Variants in TRAPPC9 observed in about 807,000 individuals in gnomAD.
TRAPPC9 encodes the protein trafficking protein particle complex subunit 9.
TRAPPC9 carries 83 observed loss-of-function variants against 124.0 expected under a neutral mutation model. The ratio of observed to expected loss-of-function variants is 0.67; its 90% CI spans 0.56 to 0.80. The LOEUF is 0.80. Ranked by LOEUF, TRAPPC9 falls within the 30% of genes least tolerant of loss-of-function variation. The pLI, the probability that TRAPPC9 is intolerant of heterozygous loss-of-function variation, is 0.00. For synonymous variants in TRAPPC9, 638 were observed against 617.5 expected (o/e 1.03, Z -0.49); for missense variants, 1,302 against 1,508.3 (o/e 0.86, Z 2.27).
At chr8:139,807,589 A>C (rs1016677588) in intron 21 of TRAPPC9, among the ~76,000 whole-genome samples, 3 of 152,128 alleles carry the variant, frequency 2.0e-5, no homozygotes, top group African/African-American at 7.2e-5. Context: ...CCTCAACACA[A>C]CCACCGGCGG....
At chr8:140,064,608 A>G (rs1842809472) in intron 17 of TRAPPC9, among the ~76,000 whole-genome samples, 1 of 152,244 alleles carries the variant, frequency 6.6e-6, no homozygotes, top group African/African-American at 2.4e-5. Context: ...ATTGACATGC[A>G]TATTCCAGAG....
chr8:140,114,332 GAAAAAA>G (rs59499088), intron 17 of TRAPPC9, among the ~76,000 whole-genome samples: 2,611 of 117,054 alleles, frequency 0.022, 87 homozygotes, highest in African/African-American at 0.079. Context: ...AAGGACTGAA[GAAAAAA>G]AAAAAAAAAA....
chr8:140,039,169 C>T (rs1381041736), intron 17 of TRAPPC9, among the ~76,000 whole-genome samples: 1 of 152,244 alleles, frequency 6.6e-6, no homozygotes, highest in Non-Finnish European at 1.5e-5. Context: ...GAAGCACCAT[C>T]AAATCCACTT....
chr8:140,413,392 A>T (rs986169626), intron 5 of TRAPPC9, among the ~76,000 whole-genome samples: 3 of 152,224 alleles, frequency 2.0e-5, no homozygotes, highest in African/African-American at 2.4e-5. Flanking sequence ...GTCTCAAAAA[A>T]AATAATAATA....
intron 17 of TRAPPC9, among the ~76,000 whole-genome samples, chr8:140,175,304 A>G (rs952513360): frequency 4.0e-5 from 6 of 151,798 alleles, no homozygotes; most frequent in African/African-American, 1.5e-4. Flanking sequence ...AGTGTCAGCA[A>G]GAGATGTATT....
chr8:139,767,304 C>T (rs1820644519), intron 21 of TRAPPC9, among the ~76,000 whole-genome samples: 1 of 152,248 alleles, frequency 6.6e-6, no homozygotes, highest in Non-Finnish European at 1.5e-5. Flanking sequence ...TCCCACTCTG[C>T]CTGTGTTTTC....
At chr8:139,912,707 CAGGTCTGAATTACCCCTG>C (rs978635278) in intron 19 of TRAPPC9, among the ~76,000 whole-genome samples, 7 of 152,328 alleles carry the variant, frequency 4.6e-5, no homozygotes, top group South Asian at 2.1e-4. Flanking sequence ...TTTTAATGTG[CAGGTCTGAATTACCCCTG>C]AGGTCTGAAT....
chr8:139,867,593 G>GTACA (rs1828634127), intron 21 of TRAPPC9, among the ~76,000 whole-genome samples: 1 of 152,168 alleles, frequency 6.6e-6, no homozygotes, highest in African/African-American at 2.4e-5. Context: ...ACCGGCAATG[G>GTACA]TACAACTAGA....
In TRAPPC9 at chr8:140,069,039, G is replaced by A. The variant is rs541465611; in HGVS notation, c.2557-44960C>T. 2.4e-4 allele frequency among the ~76,000 whole-genome samples: 36 copies of A among 152,306 alleles called. No individual in the cohort carries two copies. In the South Asian group the frequency reaches 2.9e-3, roughly 12 times the overall value. ...TGGCTGTGCCTGAGTCCAGTTCCCA[G>A]CACAAGCAAAATGAGCAGGCCATGC... On this transcript the variant is annotated intron_variant, in intron 17 of 22. Coordinates refer to ENST00000438773, the MANE Select transcript of TRAPPC9 (RefSeq NM_001160372.4).
Position 140,332,854 on chromosome 8 carries a change from G to A in TRAPPC9, c.1496-21480C>T, listed in dbSNP as rs78412589. On this transcript the variant is annotated intron_variant, in intron 9 of 22. Transcript: ENST00000438773. Reference sequence around the variant, plus strand: ...TAAATTCGATGTAAGGAATTAACCCGCCTGGGCACAGTGGCTCAAACCTGT... The same window carrying A: ...TAAATTCGATGTAAGGAATTAACCCACCTGGGCACAGTGGCTCAAACCTGT... Among the ~76,000 whole-genome samples, 645 of 152,256 alleles carry A rather than the reference G, an allele frequency of 4.2e-3. 1 individual carries two copies. The highest frequency in any genetic ancestry group is 0.014 in the African/African-American group (597 of 41,566).
intron 17 of TRAPPC9, among the ~76,000 whole-genome samples, chr8:140,106,430 C>T (rs2060667212): frequency 6.6e-6 from 1 of 152,236 alleles, no homozygotes; most frequent in Non-Finnish European, 1.5e-5. Context: ...GGCAAGTTCA[C>T]ACAACATCAG....
At chr8:139,748,650 G>C (rs969723649) in intron 21 of TRAPPC9, among the ~76,000 whole-genome samples, 2 of 151,750 alleles carry the variant, frequency 1.3e-5, no homozygotes, top group Non-Finnish European at 2.9e-5. Context: ...TAGGCTGCTT[G>C]TTGGCTCTGC....
chr8:139,978,906 T>G (rs1375495770), intron 19 of TRAPPC9, among the ~76,000 whole-genome samples: 2 of 152,078 alleles, frequency 1.3e-5, no homozygotes, highest in Non-Finnish European at 2.9e-5. Flanking sequence ...CACTCTGGTT[T>G]TTTTTCCACA....
At chr8:139,831,024 G>A (rs1465107949) in intron 21 of TRAPPC9, among the ~76,000 whole-genome samples, 1 of 152,298 alleles carries the variant, frequency 6.6e-6, no homozygotes, top group Middle Eastern at 3.4e-3. Flanking sequence ...CAATCACAGC[G>A]ACCTTGGGAA....
chr8:139,899,120 C>CAA (rs33927933), intron 20 of TRAPPC9, among the ~76,000 whole-genome samples: 16,499 of 44,816 alleles, frequency 0.37, 2,451 homozygotes, highest in East Asian at 0.52. Flanking sequence ...AACTCCGTCT[C>CAA]AAAAAAAAAA....
chr8:140,357,107 T>C (rs1173890398), intron 9 of TRAPPC9, among the ~76,000 whole-genome samples: 2 of 152,106 alleles, frequency 1.3e-5, no homozygotes, highest in Non-Finnish European at 2.9e-5. Flanking sequence ...GAGACAAGCA[T>C]GGACCAACTA....
chr8:139,762,368 A>G (rs1820296880), intron 21 of TRAPPC9, among the ~76,000 whole-genome samples: 1 of 152,192 alleles, frequency 6.6e-6, no homozygotes, highest in Non-Finnish European at 1.5e-5. Context: ...AACACTGCGG[A>G]TAGGTTCTGA....
chr8:139,801,837 A>G (rs1402817978), intron 21 of TRAPPC9, among the ~76,000 whole-genome samples: 1 of 152,198 alleles, frequency 6.6e-6, no homozygotes, highest in Non-Finnish European at 1.5e-5. Context: ...CGGAGCATGC[A>G]AACCCTGAAG....
At chr8:140,159,147 G>A (rs948945815) in intron 17 of TRAPPC9, among the ~76,000 whole-genome samples, 2 of 152,166 alleles carry the variant, frequency 1.3e-5, no homozygotes, top group African/African-American at 4.8e-5. Flanking sequence ...GCCCGCCGCC[G>A]CCAAGCCTGC....
Sources: gnomAD v4.1 joint callset for allele counts (sites outside exome capture counted in the v4.1 genomes callset) on GRCh38, gnomAD v4.1.1 for gene constraint, MANE v1.5 for transcripts, NCBI Gene and HGNC (gene_info 2026-07-23, HGNC 2026-07-21) for gene names.